TAF3: variants seen among roughly 807,000 people sequenced by gnomAD.
TAF3 encodes transcription initiation factor TFIID subunit 3.
Under a neutral mutation model 80.6 loss-of-function variants are expected in TAF3, and 7 were observed. That is an observed-to-expected ratio of 0.09 (90% CI 0.05 to 0.16). TAF3 has a LOEUF of 0.16. TAF3 is among the 10% of genes least tolerant of loss of function. The pLI is 1.00. For synonymous variants in TAF3, 444 were observed against 446.1 expected (o/e 1.00, Z 0.06); for missense variants, 921 against 1,140.2 (o/e 0.81, Z 2.77).
At chr10:7,896,261 C>A (rs971646520) in intron 2 of TAF3, among the ~76,000 whole-genome samples, 1 of 152,156 alleles carries the variant, frequency 6.6e-6, no homozygotes, top group African/African-American at 2.4e-5. Context: ...GATCTTTACT[C>A]TTGTGACTCC....
At chr10:8,013,959 A>T in intron 6 of TAF3, 122 bp downstream of exon 6, 1 of 745,634 alleles carries the variant, frequency 1.3e-6, no homozygotes, top group Non-Finnish European at 2.3e-6. Flanking sequence ...TAGGGACAGT[A>T]CATGGAGTCA....
intron 2 of TAF3, among the ~76,000 whole-genome samples, chr10:7,950,591 A>G (rs1200558357): frequency 1.3e-5 from 2 of 152,204 alleles, no homozygotes; most frequent in Non-Finnish European, 2.9e-5. Flanking sequence ...GTAGTCCGTA[A>G]AAGTACTGGA....
At chr10:7,830,870 C>A (rs1316653762) in intron 2 of TAF3, among the ~76,000 whole-genome samples, 1 of 152,152 alleles carries the variant, frequency 6.6e-6, no homozygotes, top group African/African-American at 2.4e-5. Flanking sequence ...GTTGTTTGAT[C>A]TGCAGAGTGC....
intron 2 of TAF3, among the ~76,000 whole-genome samples, chr10:7,914,644 G>A (rs1837691179): frequency 6.6e-6 from 1 of 152,154 alleles, no homozygotes; most frequent in Non-Finnish European, 1.5e-5. Flanking sequence ...GACTTTTACT[G>A]TAAATTGTTA....
At chr10:7,924,321 C>G (rs1206531608) in intron 2 of TAF3, among the ~76,000 whole-genome samples, 2 of 152,158 alleles carry the variant, frequency 1.3e-5, no homozygotes, top group Admixed American at 6.5e-5. Flanking sequence ...CGGTGGTTCT[C>G]TGCTAGCATG....
rs180923566 is a variant in TAF3, at chr10:7,946,929, T to C, written c.410-16991T>C. 1.5e-3 allele frequency among the ~76,000 whole-genome samples: 234 copies of C among 152,222 alleles called. 1 individual carries two copies. Among genetic ancestry groups the C allele is most frequent in the African/African-American group, 5.4e-3 (225 of 41,540 alleles). On this transcript the variant is annotated intron_variant, in intron 2 of 6. Coordinates refer to ENST00000344293, the MANE Select transcript of TAF3 (RefSeq NM_031923.4). ...AACTTTTCTTTTTTTAAAAAAATAA[T>C]TATTTGTTTGTTTTTGGAGGCGGAT...
At chr10:7,822,665 G>A (rs1316000838) in intron 1 of TAF3, among the ~76,000 whole-genome samples, 1 of 151,970 alleles carries the variant, frequency 6.6e-6, no homozygotes, top group East Asian at 1.9e-4. Context: ...AGCAATATTT[G>A]GATTCTTTTT....
chr10:7,964,002 G>T lies in TAF3; in HGVS notation c.492G>T (p.Leu164Phe). ...MQVPLEEDDELEEEEIINDEN... is the reference protein window; with the variant it reads ...MQVPLEEDDEFEEEEIINDEN... The stretch of plus-strand genomic sequence containing the variant: ...TTCCCTTGGAAGAAGATGATGAATT[G>T]GAGGAGGAAGAAATTATTAATGATG... Residue 164 changes from leucine to phenylalanine, a missense_variant, in exon 3 of 7, where the codon TTG (leucine) becomes TTT (phenylalanine). Physicochemically the swap from Leu to Phe is conservative, Grantham distance 22 (BLOSUM62 0). This residue lies in a region of TAF3 where 743 missense variants were observed against 821.0 expected (regional missense o/e 0.90). Transcript: ENST00000344293. This position sits in a 1 kb window ranked among gnomAD's most constrained non-coding sequence, Gnocchi z 4.1. The T allele has an allele frequency of 6.2e-7, 1 of 1,614,100 alleles. No homozygotes were observed. The highest frequency in any genetic ancestry group is 8.5e-7 in the Non-Finnish European group (1 of 1,180,010).
rs112577793 is a variant in TAF3 at position 7,954,382 on chromosome 10, C to T, written c.410-9538C>T. On this transcript the variant is annotated intron_variant, in intron 2 of 6. Coordinates refer to ENST00000344293, the MANE Select transcript of TAF3 (RefSeq NM_031923.4). ...TCTCCATAGTGAGATTCAGAGTGCA[C>T]TCCATAGGCAAATGAGTGAATTAGT... Among the ~76,000 whole-genome samples, 43 of 120,180 alleles carry T rather than the reference C, an allele frequency of 3.6e-4. 3 individuals carry two copies. The highest frequency in any genetic ancestry group is 1.1e-3 in the African/African-American group (40 of 35,600). 78.8% of individuals were successfully genotyped at this position (120,180 alleles called of 152,430 possible).
chr10:7,915,081 C>G (rs1203981553), intron 2 of TAF3, among the ~76,000 whole-genome samples: 7 of 151,638 alleles, frequency 4.6e-5, no homozygotes, highest in African/African-American at 1.7e-4. Context: ...GCTGGGACTA[C>G]AGGTGCCTGC....
intron 2 of TAF3, among the ~76,000 whole-genome samples, chr10:7,825,074 A>G (rs758917960): frequency 2.0e-5 from 3 of 152,180 alleles, no homozygotes; most frequent in Non-Finnish European, 4.4e-5. Context: ...TTATAAAATG[A>G]TAGCTAATCA....
chr10:7,850,650 TAGCAAGAG>T (rs1298624874), intron 2 of TAF3, among the ~76,000 whole-genome samples: 1 of 150,878 alleles, frequency 6.6e-6, no homozygotes, highest in Non-Finnish European at 1.5e-5. Flanking sequence ...CACTCCAGCC[TAGCAAGAG>T]AGCAAGACTC....
chr10:7,911,998 G>A (rs746845807), intron 2 of TAF3, among the ~76,000 whole-genome samples: 9 of 152,004 alleles, frequency 5.9e-5, no homozygotes, highest in Non-Finnish European at 1.2e-4. Flanking sequence ...ATGCACTTTC[G>A]GATCATCCAG....
chr10:7,930,683 C>T (rs1427353176), intron 2 of TAF3, among the ~76,000 whole-genome samples: 1 of 152,088 alleles, frequency 6.6e-6, no homozygotes. Flanking sequence ...CAGAGTAGGT[C>T]ATGTATTCCC....
chr10:7,855,417 A>G (rs1007308416), intron 2 of TAF3, among the ~76,000 whole-genome samples: 16 of 152,220 alleles, frequency 1.1e-4, no homozygotes, highest in Admixed American at 3.9e-4. Flanking sequence ...GGGGGAATTC[A>G]TGGAATGTGA....
At chr10:7,901,906 A>G (rs1187910839) in intron 2 of TAF3, among the ~76,000 whole-genome samples, 1 of 152,076 alleles carries the variant, frequency 6.6e-6, no homozygotes, top group East Asian at 1.9e-4. Context: ...GTATATTCCA[A>G]ATTTGATAAT....
intron 2 of TAF3, among the ~76,000 whole-genome samples, chr10:7,924,619 T>C (rs779893901): frequency 1.4e-4 from 21 of 152,260 alleles, no homozygotes; most frequent in Non-Finnish European, 2.6e-4. Context: ...GCTATCTTGG[T>C]AGTGATCCTG....
chr10:7,943,806 A>G (rs1837998263), intron 2 of TAF3, among the ~76,000 whole-genome samples: 1 of 152,208 alleles, frequency 6.6e-6, no homozygotes, highest in Non-Finnish European at 1.5e-5. Flanking sequence ...ATACTAATGA[A>G]TTTGGAATTA....
At chr10:7,891,440 A>G (rs1222999477) in intron 2 of TAF3, among the ~76,000 whole-genome samples, 5 of 152,360 alleles carry the variant, frequency 3.3e-5, no homozygotes, top group East Asian at 1.9e-4. Flanking sequence ...TTAAATGACT[A>G]TTTGTGTGCT....
Sources: gnomAD v4.1 joint callset for allele counts (sites outside exome capture counted in the v4.1 genomes callset) on GRCh38, gnomAD v4.1.1 for gene constraint, gnomAD v4.1.1 regional missense constraint, Gnocchi (gnomAD v3.1) non-coding constraint, MANE v1.5 for transcripts, NCBI Gene and HGNC (gene_info 2026-07-23, HGNC 2026-07-21) for gene names.